The following SPMAP2 variants were observed in gnomAD, a reference collection of about 807,000 sequenced individuals.
SPMAP2 encodes Theg homolog.
the SPMAP2 span, chr19:374,709 C>A: frequency 2.2e-6 from 1 of 456,388 alleles, no homozygotes; most frequent in Non-Finnish European, 4.0e-6. Flanking sequence ...TCCCACCTGG[C>A]GGGGCTGTTT....
chr19:369,943 C>T, the SPMAP2 span, among the ~76,000 whole-genome samples: 2 of 152,188 alleles, frequency 1.3e-5, no homozygotes, highest in Non-Finnish European at 2.9e-5. Flanking sequence ...TGGATGTATA[C>T]GTGCAAGTCA....
chr19:374,735 T>C, the SPMAP2 span: 1 of 343,684 alleles, frequency 2.9e-6, no homozygotes, highest in South Asian at 4.8e-5. Context: ...AGTACTAAGG[T>C]AGTGTTTACT....
the SPMAP2 span, chr19:375,846 A>C: frequency 1.3e-6 from 2 of 1,599,106 alleles, no homozygotes; most frequent in Non-Finnish European, 1.7e-6. Flanking sequence ...GGGGTCTGTG[A>C]CCCGCCGGCT....
the SPMAP2 span, chr19:371,392 G>C: frequency 3.8e-5 from 24 of 636,124 alleles, no homozygotes; most frequent in Non-Finnish European, 5.8e-5. Flanking sequence ...GTGTGTGTGT[G>C]TGTGTGTGTG....
chr19:369,957 G>C, the SPMAP2 span, among the ~76,000 whole-genome samples: 1 of 152,196 alleles, frequency 6.6e-6, no homozygotes, highest in Non-Finnish European at 1.5e-5. Flanking sequence ...CAAGTCACAG[G>C]GGATGCGACG....
the SPMAP2 span, chr19:371,438 A>G: frequency 6.0e-6 from 3 of 498,418 alleles, no homozygotes; most frequent in Non-Finnish European, 1.1e-5. Flanking sequence ...GCTCCTCCAT[A>G]TGTGTCTGTC....
At chr19:364,199 T>C in the SPMAP2 span, among the ~76,000 whole-genome samples, 107 of 148,418 alleles carry the variant, frequency 7.2e-4, no homozygotes, top group Non-Finnish European at 1.2e-3. Flanking sequence ...TAGCCGGGCG[T>C]GGTGGCGGCT....
At chr19:365,691 G>A in the SPMAP2 span, among the ~76,000 whole-genome samples, 2 of 133,782 alleles carry the variant, frequency 1.5e-5, no homozygotes, top group Admixed American at 1.5e-4. Context: ...AGCACACACA[G>A]CCACACACTC....
chr19:375,532 G>C, the SPMAP2 span: 4 of 1,030,120 alleles, frequency 3.9e-6, 1 homozygote, highest in South Asian at 3.7e-5. Flanking sequence ...CGGGCCCCTC[G>C]GGAGCAGCGA....
At chr19:371,369 G>GTGTGT in the SPMAP2 span, 2 of 851,186 alleles carry the variant, frequency 2.3e-6, no homozygotes, top group East Asian at 6.3e-5. Context: ...CGGGGGTGGG[G>GTGTGT]GTGTGTGTGT....
the SPMAP2 span, among the ~76,000 whole-genome samples, chr19:364,187 A>AT: frequency 4.0e-5 from 6 of 150,420 alleles, no homozygotes; most frequent in Non-Finnish European, 5.9e-5. Context: ...CAAAAAAAAA[A>AT]TTAGCCGGGC....
chr19:374,529 C>G, the SPMAP2 span: 1 of 1,441,484 alleles, frequency 6.9e-7, no homozygotes, highest in Non-Finnish European at 9.3e-7. Flanking sequence ...TGCACTCACC[C>G]TGCCCACCCG....
chr19:366,666 G>C, the SPMAP2 span, among the ~76,000 whole-genome samples: 1 of 152,188 alleles, frequency 6.6e-6, no homozygotes, highest in Admixed American at 6.5e-5. Context: ...CAGGCAGCAG[G>C]AAACTGGGAA....
the SPMAP2 span, chr19:372,558 C>A: frequency 2.0e-6 from 3 of 1,497,392 alleles, no homozygotes; most frequent in South Asian, 2.3e-5. Flanking sequence ...CACACAGCAT[C>A]CTGTCAGGCG....
At chr19:366,212 T>TGCACACGCAC in the SPMAP2 span, among the ~76,000 whole-genome samples, 1 of 152,120 alleles carries the variant, frequency 6.6e-6, no homozygotes. Flanking sequence ...CACACACGCA[T>TGCACACGCAC]GCACACGCAC....
At chr19:372,491 A>C in the SPMAP2 span, 2 of 779,630 alleles carry the variant, frequency 2.6e-6, no homozygotes, top group Non-Finnish European at 4.2e-6. Context: ...TGGGCTGGGA[A>C]GCAGGCCAGC....
chr19:375,695 G>C, the SPMAP2 span: 2 of 1,601,458 alleles, frequency 1.2e-6, no homozygotes, highest in African/African-American at 1.3e-5. Flanking sequence ...CCAAGTCCTT[G>C]TCCAGGACTC....
At chr19:373,358 G>C in the SPMAP2 span, 1 of 983,422 alleles carries the variant, frequency 1.0e-6, no homozygotes, top group Non-Finnish European at 1.6e-6. Context: ...GAGGACAGAG[G>C]CTCCGAGGAG....
chr19:374,800 C>A, the SPMAP2 span, among the ~76,000 whole-genome samples: 1 of 152,246 alleles, frequency 6.6e-6, no homozygotes, highest in Non-Finnish European at 1.5e-5. Context: ...AGAGGGGCAA[C>A]CACCCTCTAA....
Sources: gnomAD v4.1 joint callset for allele counts (sites outside exome capture counted in the v4.1 genomes callset) on GRCh38, gnomAD v4.1.1 for gene constraint, MANE v1.5 for transcripts, NCBI Gene and HGNC (gene_info 2026-07-23, HGNC 2026-07-21) for gene names.